The following TNIK variants were observed in gnomAD, a reference collection of about 807,000 sequenced individuals.
TNIK encodes TRAF2 and NCK-interacting protein kinase.
A neutral mutation model predicts 191.3 loss-of-function variants in TNIK; 49 were observed. The observed-to-expected ratio is 0.26, with a 90% CI of 0.20 to 0.32. The LOEUF (loss-of-function observed/expected upper bound fraction) is 0.32. Ranked by LOEUF, TNIK falls within the 10% of genes least tolerant of loss-of-function variation. The pLI is 1.00. For missense variants in TNIK, 1,155 were observed against 1,702.3 expected, an observed-to-expected ratio of 0.68 and a Z score of 5.66; for synonymous variants, 594 against 600.9, an observed-to-expected ratio of 0.99 and a Z score of 0.17.
intron 1 of TNIK, among the ~76,000 whole-genome samples, chr3:171,370,801 A>G (rs987585198): frequency 7.2e-5 from 11 of 152,254 alleles, no homozygotes; most frequent in African/African-American, 2.4e-4. Flanking sequence ...GAAACTGAAC[A>G]TTGTATTTAA....
chr3:171,063,957 A>G lies in TNIK; in HGVS notation c.4007T>C (p.Phe1336Ser). 1.9e-6 allele frequency: 3 copies of G among 1,613,668 alleles called. No homozygotes were observed. Among genetic ancestry groups the G allele is most frequent in the Non-Finnish European group, 2.5e-6 (3 of 1,179,704 alleles). Reference protein sequence around the residue: ...FLCERNDKVFFASVRSGGSSQ... With the variant: ...FLCERNDKVFSASVRSGGSSQ... ...ACTTCCTCCAGATCGCACGGATGCA[A>G]AAAATACCTGTTTGAAATTAAAAAG... The change falls in exon 33 of 33, where the codon TTT (phenylalanine) becomes TCT (serine). Residue 1336 changes from phenylalanine to serine, a missense_variant. Around this residue, in one of 3 missense-constraint regions of TNIK, gnomAD observed 195 missense variants for 415.4 expected, o/e 0.47. Coordinates refer to ENST00000436636, the MANE Select transcript of TNIK (RefSeq NM_015028.4).
At chr3:171,457,768 C>G (rs559418209) in intron 1 of TNIK, among the ~76,000 whole-genome samples, 108 of 152,336 alleles carry the variant, frequency 7.1e-4, no homozygotes, top group South Asian at 1.4e-3. Flanking sequence ...CTAGCTGTTG[C>G]CCTCTCTGTT....
intron 2 of TNIK, among the ~76,000 whole-genome samples, chr3:171,304,462 G>A (rs1753202404): frequency 6.6e-6 from 1 of 152,136 alleles, no homozygotes; most frequent in Admixed American, 6.5e-5. Flanking sequence ...CGATTCCTCA[G>A]GGATCTAGAA....
intron 28 of TNIK, among the ~76,000 whole-genome samples, chr3:171,079,087 A>T (rs569798713): frequency 1.3e-5 from 2 of 152,202 alleles, no homozygotes; most frequent in African/African-American, 4.8e-5. Flanking sequence ...GGGCCTTTCC[A>T]GGTTCTGTTG....
chr3:171,143,504 C>T (rs566189597), intron 12 of TNIK, among the ~76,000 whole-genome samples: 21 of 152,184 alleles, frequency 1.4e-4, no homozygotes, highest in Non-Finnish European at 2.8e-4. Context: ...GTTTGTTGCG[C>T]TGAACATAGT....
chr3:171,282,341 G>GTTTTTTTTT lies in TNIK; in HGVS notation c.124-54129_124-54121dup, dbSNP rs869305605. Among the ~76,000 whole-genome samples, 393 of 79,836 alleles carry GTTTTTTTTT rather than the reference G, an allele frequency of 4.9e-3. 6 individuals carry two copies. The highest frequency in any genetic ancestry group is 0.017 in the African/African-American group (371 of 22,320). The allele number at this position is 79,836 out of a possible 152,430, so 52.4% of individuals were successfully genotyped here. On this transcript the variant is annotated intron_variant, in intron 2 of 32. Coordinates refer to ENST00000436636, the MANE Select transcript of TNIK (RefSeq NM_015028.4). ...CTGCAGATTCTCTTAATGGTTTTTTGTTTTTTTTTTTTTTTTTGAGATGGA... is the reference window on the plus strand; with the variant it reads ...CTGCAGATTCTCTTAATGGTTTTTTGTTTTTTTTTTTTTTTTTTTTTTTTTTGAGATGGA...
At chr3:171,419,570 A>G (rs1723500909) in intron 1 of TNIK, among the ~76,000 whole-genome samples, 1 of 152,202 alleles carries the variant, frequency 6.6e-6, no homozygotes, top group South Asian at 2.1e-4. Flanking sequence ...AAGGATGAAA[A>G]AACAAAGAGC....
intron 9 of TNIK, among the ~76,000 whole-genome samples, chr3:171,171,213 A>G (rs1336659292): frequency 6.6e-6 from 1 of 152,174 alleles, no homozygotes; most frequent in African/African-American, 2.4e-5. Flanking sequence ...TCTGTGTAAT[A>G]GTTTTTAGCT....
chr3:171,203,496 A>G (rs1739671367), intron 4 of TNIK, among the ~76,000 whole-genome samples: 1 of 152,202 alleles, frequency 6.6e-6, no homozygotes, highest in African/African-American at 2.4e-5. Flanking sequence ...TACTGCTACT[A>G]TTTGAAATTT....
chr3:171,274,941 A>G (rs1749544775), intron 2 of TNIK, among the ~76,000 whole-genome samples: 1 of 152,244 alleles, frequency 6.6e-6, no homozygotes, highest in Non-Finnish European at 1.5e-5. Context: ...AGATTCTTCG[A>G]AGGCCAGAGA....
At chr3:171,191,862 A>G (rs1241829682) in intron 5 of TNIK, among the ~76,000 whole-genome samples, 3 of 152,250 alleles carry the variant, frequency 2.0e-5, no homozygotes, top group Non-Finnish European at 4.4e-5. Flanking sequence ...CAGATAAATT[A>G]TAATCTAAAA....
chr3:171,138,225 A>T lies in TNIK; in HGVS notation c.1574T>A (p.Met525Lys), dbSNP rs763421231. ...CCATGCTGGCTTCTCACTAGGACTCATTCCTTCTTTGTAATGGTACAGTGG... is the reference window on the plus strand; with the variant it reads ...CCATGCTGGCTTCTCACTAGGACTCTTTCCTTCTTTGTAATGGTACAGTGG... ...KKPLYHYKEG[M>K]SPSEKPAWAK... Residue 525 changes from methionine to lysine, a missense_variant, in exon 15 of 33, where the codon ATG (methionine) becomes AAG (lysine). Coordinates refer to ENST00000436636, the MANE Select transcript of TNIK (RefSeq NM_015028.4). The T allele has an allele frequency of 3.1e-6, 5 of 1,612,068 alleles. No homozygotes were observed. Among genetic ancestry groups the T allele is most frequent in the South Asian group, 2.2e-5 (2 of 90,608 alleles).
chr3:171,241,189 C>T (rs1313633989), intron 2 of TNIK, among the ~76,000 whole-genome samples: 7 of 152,018 alleles, frequency 4.6e-5, no homozygotes, highest in Non-Finnish European at 1.0e-4. Context: ...CACCACCACA[C>T]CCAGTTAATT....
chr3:171,062,146 CAA>C lies in TNIK; in HGVS notation c.*1733_*1734del, dbSNP rs538594365. 7.9e-4 allele frequency: 120 copies of C among 152,224 alleles called. No individual in the cohort carries two copies. Among genetic ancestry groups the C allele is most frequent in the Middle Eastern group, 3.4e-3 (1 of 294 alleles). 9.4% of individuals were successfully genotyped at this position (152,224 alleles called of 1,614,324 possible). ...TACATCAGCTGCTTGTGTATTTAGG[CAA>C]AGTCAGTAAGATCGTAGTTTTTTTT... On this transcript the variant is annotated 3_prime_UTR_variant, in exon 33 of 33. Transcript: ENST00000436636.
At position 171,460,103 on chromosome 3, in the gene TNIK, G is replaced by T. The variant is rs986961848; in HGVS notation, c.-40C>A. On this transcript the variant is annotated 5_prime_UTR_variant, in exon 1 of 33. Transcript: ENST00000436636. The surrounding 1 kb of genome is among the most constrained non-coding windows in gnomAD (Gnocchi z 6.8). ...TGGAGAAATGGACCAAAACCACCCC[G>T]AAGCTTTTCCCTTGGAAATTCCACC... The T allele has an allele frequency of 6.3e-7, 1 of 1,580,920 alleles. No homozygotes were observed. The highest frequency in any genetic ancestry group is 1.3e-5 in the African/African-American group (1 of 74,162).
intron 3 of TNIK, among the ~76,000 whole-genome samples, chr3:171,218,446 G>A (rs1357471445): frequency 6.6e-6 from 1 of 151,600 alleles, no homozygotes; most frequent in African/African-American, 2.4e-5. Context: ...TGTGGCTAAA[G>A]TCTACCATAA....
intron 2 of TNIK, among the ~76,000 whole-genome samples, chr3:171,268,393 A>G (rs1748657815): frequency 6.6e-6 from 1 of 152,046 alleles, no homozygotes; most frequent in Non-Finnish European, 1.5e-5. Flanking sequence ...AGGCCAGTAA[A>G]CAAGAATTAT....
chr3:171,183,838 T>C (rs1737008067), intron 7 of TNIK, among the ~76,000 whole-genome samples: 1 of 149,876 alleles, frequency 6.7e-6, no homozygotes, highest in South Asian at 2.1e-4. Flanking sequence ...GGAGAATCGC[T>C]TGAACCCAGG....
At chr3:171,459,930 C>A in intron 1 of TNIK, 77 bp downstream of exon 1, 1 of 1,445,828 alleles carries the variant, frequency 6.9e-7, no homozygotes, top group South Asian at 1.2e-5. Flanking sequence ...GCCCCAGCCC[C>A]AGCCCCCAGT....
Sources: gnomAD v4.1 joint callset for allele counts (sites outside exome capture counted in the v4.1 genomes callset) on GRCh38, gnomAD v4.1.1 for gene constraint, gnomAD v4.1.1 regional missense constraint, Gnocchi (gnomAD v3.1) non-coding constraint, MANE v1.5 for transcripts, NCBI Gene and HGNC (gene_info 2026-07-23, HGNC 2026-07-21) for gene names.